The following CNTNAP2 variants were observed in gnomAD, a reference collection of about 807,000 sequenced individuals.
The protein encoded by CNTNAP2 is contactin-associated protein-like 2.
A neutral mutation model predicts 155.2 loss-of-function variants in CNTNAP2; 98 were observed. The observed-to-expected ratio is 0.63, with a 90% CI of 0.54 to 0.75. The LOEUF is 0.75. CNTNAP2 is among the 30% of genes least tolerant of loss of function. CNTNAP2 has a pLI of 0.00. For synonymous variants in CNTNAP2, 651 were observed against 631.2 expected, an observed-to-expected ratio of 1.03 and a Z score of -0.47; for missense variants, 1,727 against 1,688.1, an observed-to-expected ratio of 1.02 and a Z score of -0.40.
chr7:148,187,067 G>A (rs980538162), intron 18 of CNTNAP2, among the ~76,000 whole-genome samples: 77 of 151,274 alleles, frequency 5.1e-4, no homozygotes, highest in South Asian at 4.2e-4. Flanking sequence ...TTTCTTTGCC[G>A]TTCTTTCTGA....
chr7:147,894,222 G>A (rs1585014621), intron 13 of CNTNAP2: 1 of 152,162 alleles, frequency 6.6e-6, no homozygotes, highest in East Asian at 1.9e-4. Flanking sequence ...TACTTAGTAA[G>A]TGTATCATCA....
chr7:147,881,015 A>C (rs1174738402), intron 13 of CNTNAP2, among the ~76,000 whole-genome samples: 1 of 152,168 alleles, frequency 6.6e-6, no homozygotes, highest in Non-Finnish European at 1.5e-5. Context: ...CCATAAGACC[A>C]GGAAGTGGCC....
intron 10 of CNTNAP2, among the ~76,000 whole-genome samples, chr7:147,472,247 C>T (rs1354518155): frequency 7.4e-6 from 1 of 135,804 alleles, no homozygotes; most frequent in Non-Finnish European, 1.5e-5. Flanking sequence ...GAGTCTCACT[C>T]AGTTGCCCAG....
intron 1 of CNTNAP2, among the ~76,000 whole-genome samples, chr7:146,732,766 T>A (rs1801547942): frequency 6.6e-6 from 1 of 152,138 alleles, no homozygotes; most frequent in Non-Finnish European, 1.5e-5. Flanking sequence ...GCATAGTATT[T>A]TCTATAACCT....
chr7:146,280,949 G>A (rs765755963), intron 1 of CNTNAP2, among the ~76,000 whole-genome samples: 3 of 152,136 alleles, frequency 2.0e-5, no homozygotes, highest in Non-Finnish European at 2.9e-5. Context: ...GGTGAGGATG[G>A]GAGCAGAAAC....
intron 1 of CNTNAP2, among the ~76,000 whole-genome samples, chr7:146,256,560 T>G (rs1799840707): frequency 6.6e-6 from 1 of 151,872 alleles, no homozygotes; most frequent in African/African-American, 2.4e-5. Context: ...ATAATACATT[T>G]TAGAATGATA....
chr7:146,522,092 C>A (rs1221190607), intron 1 of CNTNAP2, among the ~76,000 whole-genome samples: 2 of 151,950 alleles, frequency 1.3e-5, no homozygotes, highest in East Asian at 3.9e-4. Flanking sequence ...ATTTCAATAG[C>A]TAGACTCTCA....
intron 14 of CNTNAP2, among the ~76,000 whole-genome samples, chr7:147,960,775 T>C (rs908663855): frequency 1.3e-5 from 2 of 152,054 alleles, no homozygotes; most frequent in African/African-American, 4.8e-5. Flanking sequence ...TGTATCTAAT[T>C]ACCTAGGCTC....
At chr7:146,401,587 TTG>T (rs1256721038) in intron 1 of CNTNAP2, among the ~76,000 whole-genome samples, 6 of 152,146 alleles carry the variant, frequency 3.9e-5, no homozygotes, top group Admixed American at 6.5e-5. Context: ...CATATATAAA[TTG>T]TGTGTTCAAA....
intron 12 of CNTNAP2, among the ~76,000 whole-genome samples, chr7:147,565,358 C>G (rs747345979): frequency 2.9e-4 from 44 of 151,764 alleles, no homozygotes; most frequent in Middle Eastern, 3.4e-3. Context: ...GAGTGTAGGG[C>G]AGAAAAAAGT....
chr7:147,345,965 C>T (rs115722245), intron 9 of CNTNAP2, among the ~76,000 whole-genome samples: 4 of 151,864 alleles, frequency 2.6e-5, no homozygotes, highest in African/African-American at 7.2e-5. Flanking sequence ...ATTAATAGGC[C>T]GCAAACAGTT....
At chr7:147,269,497 T>C (rs1378063679) in intron 8 of CNTNAP2, among the ~76,000 whole-genome samples, 1 of 152,156 alleles carries the variant, frequency 6.6e-6, no homozygotes, top group Non-Finnish European at 1.5e-5. Flanking sequence ...TAAATACATG[T>C]GCAACCGACT....
At chr7:148,330,333 A>G (rs1797966886) in intron 21 of CNTNAP2, among the ~76,000 whole-genome samples, 1 of 151,574 alleles carries the variant, frequency 6.6e-6, no homozygotes, top group Admixed American at 6.6e-5. Flanking sequence ...GAGTGAACAG[A>G]TGGAATGGAT....
intron 1 of CNTNAP2, among the ~76,000 whole-genome samples, chr7:146,449,271 C>T (rs1195266194): frequency 6.6e-6 from 1 of 151,956 alleles, no homozygotes; most frequent in African/African-American, 2.4e-5. Flanking sequence ...ATGATGGCTG[C>T]TTTAAAATCC....
intron 1 of CNTNAP2, among the ~76,000 whole-genome samples, chr7:146,525,569 TATCTATCTCTCTATCTATC>T (rs1285647431): frequency 0.011 from 1,587 of 142,244 alleles, 33 homozygotes; most frequent in African/African-American, 0.046. Context: ...TCTATCTATC[TATCTATCTCTCTATCTATC>T]ATCTATCTAT....
intron 8 of CNTNAP2, among the ~76,000 whole-genome samples, chr7:147,153,170 C>G (rs1801859913): frequency 6.6e-6 from 1 of 152,068 alleles, no homozygotes; most frequent in African/African-American, 2.4e-5. Context: ...AGTTTCTACA[C>G]TCATGTAACA....
intron 1 of CNTNAP2, among the ~76,000 whole-genome samples, chr7:146,762,710 C>T (rs936486380): frequency 6.6e-6 from 1 of 152,136 alleles, no homozygotes; most frequent in Non-Finnish European, 1.5e-5. Context: ...ATTTAATGGG[C>T]TCACAGTTCC....
chr7:146,504,116 C>T (rs1045914442), intron 1 of CNTNAP2, among the ~76,000 whole-genome samples: 1 of 152,244 alleles, frequency 6.6e-6, no homozygotes, highest in Non-Finnish European at 1.5e-5. Flanking sequence ...TCTGCCTCAG[C>T]CTTCTCCTGA....
intron 3 of CNTNAP2, among the ~76,000 whole-genome samples, chr7:146,863,832 T>A (rs1330204925): frequency 6.6e-6 from 1 of 152,136 alleles, no homozygotes; most frequent in African/African-American, 2.4e-5. Context: ...TAGTTGCTAT[T>A]ATATAATGAA....
Sources: allele counts gnomAD v4.1 joint callset (sites outside exome capture counted in the v4.1 genomes callset), GRCh38; gene constraint gnomAD v4.1.1; transcripts MANE v1.5; gene names NCBI Gene and HGNC (gene_info 2026-07-23, HGNC 2026-07-21).